RARS1: variants seen among roughly 807,000 people sequenced by gnomAD.
RARS1 encodes arginyl-tRNA synthetase 1.
Under a neutral mutation model 78.7 loss-of-function variants are expected in RARS1, and 75 were observed. That is an observed-to-expected ratio of 0.95 (90% CI 0.79 to 1.15). The LOEUF (loss-of-function observed/expected upper bound fraction) is 1.15. Among genes scored for constraint, RARS1 ranks in the 50% most tolerant of loss-of-function variants. The pLI is 0.00. For missense variants in RARS1, 787 were observed against 787.5 expected, an observed-to-expected ratio of 1.00 and a Z score of 0.01; for synonymous variants, 273 against 268.2, an observed-to-expected ratio of 1.02 and a Z score of -0.18.
intron 8 of RARS1, among the ~76,000 whole-genome samples, chr5:168,501,432 T>A (rs1161323897): frequency 6.6e-6 from 1 of 150,778 alleles, no homozygotes. Context: ...TTAATTTTTT[T>A]AAAAGTTATA....
At chr5:168,502,373 TA>T (rs1758345294) in intron 9 of RARS1, among the ~76,000 whole-genome samples, 1 of 91,516 alleles carries the variant, frequency 1.1e-5, no homozygotes, top group Admixed American at 1.0e-4. Context: ...TATATATATA[TA>T]TATATATATA....
chr5:168,512,125 A>G (rs1561827459), intron 12 of RARS1, among the ~76,000 whole-genome samples: 1 of 142,004 alleles, frequency 7.0e-6, no homozygotes, highest in Non-Finnish European at 1.5e-5. Flanking sequence ...TGCTAGGATT[A>G]CAGGCATAAG....
intron 9 of RARS1, among the ~76,000 whole-genome samples, chr5:168,502,663 C>T (rs936131468): frequency 1.3e-5 from 2 of 150,788 alleles, no homozygotes; most frequent in African/African-American, 4.9e-5. Flanking sequence ...CCTCCGCCTC[C>T]TGGGTTCAAG....
In RARS1 at chr5:168,486,495, G is replaced by A. The variant is rs1364825997; in HGVS notation, c.-4G>A. Reference sequence around the variant, plus strand: ...CACTTGGCGAGTGAGACGCTGATGGGAGGATGGACGTACTGGTGTCTGAGT... The same window carrying A: ...CACTTGGCGAGTGAGACGCTGATGGAAGGATGGACGTACTGGTGTCTGAGT... On this transcript the variant is annotated 5_prime_UTR_variant, in exon 1 of 15. Transcript: ENST00000231572. The A allele has an allele frequency of 7.7e-6, 12 of 1,558,264 alleles. No homozygotes were observed. The highest frequency in any genetic ancestry group is 1.2e-5 in the South Asian group (1 of 84,604).
intron 9 of RARS1, among the ~76,000 whole-genome samples, 190 bp from the exon 10 acceptor site, chr5:168,505,831 T>G (rs112374318): frequency 6.6e-6 from 1 of 151,910 alleles, no homozygotes; most frequent in Non-Finnish European, 1.5e-5. Flanking sequence ...GCAACCTTGA[T>G]GGTTAACATT....
chr5:168,511,560 A>G (rs1316343839), intron 12 of RARS1, among the ~76,000 whole-genome samples: 1 of 152,220 alleles, frequency 6.6e-6, no homozygotes, highest in African/African-American at 2.4e-5. Context: ...TGGCACAGTC[A>G]GATGAAAAGT....
At chr5:168,496,360 CAG>C (rs1166405648) in intron 6 of RARS1, among the ~76,000 whole-genome samples, 6 of 127,080 alleles carry the variant, frequency 4.7e-5, no homozygotes, top group Non-Finnish European at 8.0e-5. Context: ...GCCTGGGCAA[CAG>C]AGCAAGACTC....
At chr5:168,493,859 T>C (rs776115588) in intron 3 of RARS1, 35 bp from the exon 4 acceptor site, 1 of 1,531,204 alleles carries the variant, frequency 6.5e-7, no homozygotes, top group Non-Finnish European at 9.0e-7. Context: ...TGCTGAAATC[T>C]GTTGTGTAAT....
chr5:168,507,742 C>G (rs531780085), intron 11 of RARS1, among the ~76,000 whole-genome samples: 2 of 152,174 alleles, frequency 1.3e-5, no homozygotes, highest in Non-Finnish European at 2.9e-5. Context: ...TTTTTGAAAT[C>G]AAAAGACACT....
chr5:168,502,771 C>T (rs1055862567), intron 9 of RARS1, among the ~76,000 whole-genome samples: 2 of 148,326 alleles, frequency 1.3e-5, no homozygotes, highest in East Asian at 2.1e-4. Context: ...AGGGTTCCAC[C>T]GTGTTGGCTG....
In RARS1 at chr5:168,494,651, G is replaced by A; in HGVS notation, c.579+1G>A. ...ACCTGCTCTGGGAGAGAATAAAAAGGTATATGTACACTCTTCTATTAATAT... is the reference window on the plus strand; with the variant it reads ...ACCTGCTCTGGGAGAGAATAAAAAGATATATGTACACTCTTCTATTAATAT... On this transcript the variant is annotated splice_donor_variant, in intron 5 of 14. Transcript: ENST00000231572. LOFTEE classifies it high-confidence loss of function. 6.5e-7 allele frequency: 1 copy of A among 1,544,518 alleles called. No homozygotes were observed. Among genetic ancestry groups the A allele is most frequent in the East Asian group, 2.2e-5 (1 of 44,510 alleles).
At position 168,515,895 on chromosome 5, in the gene RARS1, G is replaced by T. The variant is rs182846014; in HGVS notation, c.1453-883G>T. The stretch of plus-strand genomic sequence containing the variant: ...GCCATATGACATTTGAAAGAAATGT[G>T]TTCACAGAGTCTTTGACTCCTCTGT... On this transcript the variant is annotated intron_variant, in intron 12 of 14. Transcript: ENST00000231572. 1.2e-3 allele frequency among the ~76,000 whole-genome samples: 176 copies of T among 152,302 alleles called. 1 individual carries two copies. In the Middle Eastern group the frequency reaches 0.031, roughly 26 times the overall value.
At chr5:168,494,271 C>T (rs1468148091) in intron 4 of RARS1, 11 of 985,240 alleles carry the variant, frequency 1.1e-5, no homozygotes, top group South Asian at 9.4e-5. Flanking sequence ...GATAAGTCTT[C>T]GGCACAAGGG....
At chr5:168,496,726 C>T (rs76685579) in intron 6 of RARS1, among the ~76,000 whole-genome samples, 3,776 of 152,120 alleles carry the variant, frequency 0.025, 123 homozygotes, top group East Asian at 0.095. Flanking sequence ...TCAAGTGATC[C>T]GCCTGCCTCA....
At chr5:168,514,589 T>C (rs899564449) in intron 12 of RARS1, among the ~76,000 whole-genome samples, 8 of 152,224 alleles carry the variant, frequency 5.3e-5, no homozygotes, top group African/African-American at 1.4e-4. Flanking sequence ...TGCAAGATAG[T>C]ACAAAGAATT....
At chr5:168,495,225 G>A (rs1758159284) in intron 5 of RARS1, 90 bp from the exon 6 acceptor site, 2 of 1,487,166 alleles carry the variant, frequency 1.3e-6, no homozygotes, top group Admixed American at 2.1e-5. Context: ...GAATGCATTG[G>A]AACAAAATGT....
chr5:168,501,258 TAATAA>T (rs1352994930), intron 8 of RARS1, among the ~76,000 whole-genome samples: 2 of 152,186 alleles, frequency 1.3e-5, no homozygotes, highest in Non-Finnish European at 2.9e-5. Context: ...CAGCACTAGG[TAATAA>T]AATGTTTTAT....
chr5:168,502,384 A>ATATATATAT (rs1280220276), intron 9 of RARS1, among the ~76,000 whole-genome samples: 2 of 127,234 alleles, frequency 1.6e-5, no homozygotes, highest in African/African-American at 6.3e-5. Context: ...ATATATATAT[A>ATATATATAT]TTTTTTTTTT....
At chr5:168,517,576 C>G (rs1016896649) in intron 13 of RARS1, among the ~76,000 whole-genome samples, 1 of 152,160 alleles carries the variant, frequency 6.6e-6, no homozygotes, top group African/African-American at 2.4e-5. Context: ...TCTAGATGCT[C>G]TATGTTTAAA....
Sources: allele counts gnomAD v4.1 joint callset (sites outside exome capture counted in the v4.1 genomes callset), GRCh38; gene constraint gnomAD v4.1.1; transcripts MANE v1.5; gene names NCBI Gene and HGNC (gene_info 2026-07-23, HGNC 2026-07-21).